RIMKLB: variants seen among roughly 807,000 people sequenced by gnomAD.
RIMKLB encodes the protein beta-citrylglutamate synthase B.
A neutral mutation model predicts 32.0 loss-of-function variants in RIMKLB; 7 were observed. The ratio of observed to expected loss-of-function variants is 0.22; its 90% CI spans 0.12 to 0.41. The LOEUF is 0.41. Among genes scored for constraint, RIMKLB ranks in the 10% least tolerant of loss-of-function variants. RIMKLB has a pLI of 1.00. For synonymous variants in RIMKLB, 172 were observed against 185.1 expected, an observed-to-expected ratio of 0.93 and a Z score of 0.57; for missense variants, 289 against 498.7, an observed-to-expected ratio of 0.58 and a Z score of 4.00.
At chr12:8,689,580 CCTCT>C (rs1305799873) in intron 1 of RIMKLB, among the ~76,000 whole-genome samples, 1 of 152,092 alleles carries the variant, frequency 6.6e-6, no homozygotes, top group African/African-American at 2.4e-5. Context: ...TTTCCATCTG[CCTCT>C]CTTTGTTATT....
intron 1 of RIMKLB, among the ~76,000 whole-genome samples, chr12:8,705,570 A>G (rs755504995): frequency 3.9e-5 from 6 of 152,326 alleles, no homozygotes; most frequent in Admixed American, 3.9e-4. Context: ...ATGGAAATAA[A>G]AATTGATGCC....
At chr12:8,742,417 A>C in intron 2 of RIMKLB, 1 of 290,446 alleles carries the variant, frequency 3.4e-6, no homozygotes, top group Non-Finnish European at 6.6e-6. Context: ...ACTTACAGGG[A>C]AGTTTTCATG....
intron 2 of RIMKLB, among the ~76,000 whole-genome samples, chr12:8,747,654 G>T (rs1948219919): frequency 6.6e-6 from 1 of 152,070 alleles, no homozygotes; most frequent in East Asian, 1.9e-4. Flanking sequence ...TATTAGTAAG[G>T]AATTGATCAT....
intron 1 of RIMKLB, among the ~76,000 whole-genome samples, chr12:8,710,346 C>T (rs1944274660): frequency 7.1e-6 from 1 of 140,284 alleles, no homozygotes; most frequent in Admixed American, 7.4e-5. Context: ...TTCGCTCTGT[C>T]ACCCAGGCTG....
At chr12:8,708,385 C>T (rs1388749304) in intron 1 of RIMKLB, among the ~76,000 whole-genome samples, 3 of 152,216 alleles carry the variant, frequency 2.0e-5, no homozygotes, top group East Asian at 1.9e-4. Flanking sequence ...TTCATTTTAA[C>T]TTTTTTTCTT....
intron 2 of RIMKLB, among the ~76,000 whole-genome samples, chr12:8,729,085 A>G (rs1324829663): frequency 6.6e-6 from 1 of 152,092 alleles, no homozygotes; most frequent in East Asian, 1.9e-4. Context: ...CACAGTGTGT[A>G]GGGGAGGGTA....
the RIMKLB span, among the ~76,000 whole-genome samples, chr12:8,670,966 C>A: frequency 6.6e-6 from 1 of 152,246 alleles, no homozygotes. Context: ...TCCGAAGCCA[C>A]AGCCCAAGCT....
At chr12:8,710,754 A>G (rs1246425595) in intron 1 of RIMKLB, among the ~76,000 whole-genome samples, 6 of 152,094 alleles carry the variant, frequency 3.9e-5, no homozygotes, top group Admixed American at 1.3e-4. Flanking sequence ...CCCAATTGCT[A>G]GTGACTATAA....
downstream of RIMKLB, chr12:8,777,215 CTTTTTTTTTTTTTT>C (rs35828763): frequency 1.5e-4 from 107 of 703,906 alleles, no homozygotes; most frequent in South Asian, 5.6e-4. Flanking sequence ...TGCTTGCTTT[CTTTTTTTTTTTTTT>C]TTTTTTTTTT....
At chr12:8,753,110 C>T (rs1049345743) in intron 4 of RIMKLB, among the ~76,000 whole-genome samples, 4 of 152,074 alleles carry the variant, frequency 2.6e-5, no homozygotes, top group Non-Finnish European at 4.4e-5. Flanking sequence ...TTTTGTGTTT[C>T]GGCAGGGATG....
intron 4 of RIMKLB, among the ~76,000 whole-genome samples, chr12:8,753,661 T>A (rs761732753): frequency 3.9e-5 from 6 of 152,304 alleles, no homozygotes; most frequent in African/African-American, 1.4e-4. Flanking sequence ...CAAAATAAAT[T>A]TTAGTTTGTC....
At chr12:8,770,152 G>A (rs111384332) in intron 5 of RIMKLB, among the ~76,000 whole-genome samples, 4,105 of 152,118 alleles carry the variant, frequency 0.027, 183 homozygotes, top group African/African-American at 0.093. Flanking sequence ...TAGTAGAGAC[G>A]GGGTTTCACC....
At position 8,718,661 on chromosome 12, in the gene RIMKLB, A is replaced by ATG. The variant is rs1287877829; in HGVS notation, c.175+4621_175+4622insGT. Among the ~76,000 whole-genome samples, 21 of 118,500 alleles carry ATG rather than the reference A, an allele frequency of 1.8e-4. No homozygotes were observed. In the East Asian group the frequency reaches 3.2e-3, roughly 18 times the overall value. The allele number at this position is 118,500 out of a possible 152,430, so 77.7% of individuals were successfully genotyped here. A position where few individuals can be genotyped will look rare whatever the true frequency, so the allele number is the denominator to read the frequency against. The stretch of plus-strand genomic sequence containing the variant: ...CGTCTCTCTCTCTCTCTCTATATAT[A>ATG]TATATATATGTGTGTGTGTGTGTGT... On this transcript the variant is annotated intron_variant, in intron 2 of 5. Transcript: ENST00000535829.
intron 1 of RIMKLB, among the ~76,000 whole-genome samples, chr12:8,684,125 C>T (rs768935425): frequency 6.6e-6 from 1 of 151,980 alleles, no homozygotes; most frequent in Admixed American, 6.6e-5. Context: ...AGGATTATGC[C>T]TTTGGTGTCG....
intron 1 of RIMKLB, among the ~76,000 whole-genome samples, chr12:8,688,022 A>G (rs1024494042): frequency 1.1e-4 from 16 of 152,136 alleles, no homozygotes; most frequent in African/African-American, 3.9e-4. Flanking sequence ...AGCTTATGAA[A>G]GGGGTGGAGA....
chr12:8,776,984 C>T lies in RIMKLB; in HGVS notation c.*3200C>T. ...TTGTGAAATCAAATCTTGTGTTATA[C>T]TTTTCTCCTGGCTCACTTTTTTTGA... On this transcript the variant is annotated 3_prime_UTR_variant, in exon 6 of 6. Transcript: ENST00000535829. The T allele has an allele frequency of 1.2e-5, 12 of 985,796 alleles. No homozygotes were observed. In the South Asian group the frequency reaches 5.2e-4, roughly 42 times the overall value. 61.1% of individuals were successfully genotyped at this position (985,796 alleles called of 1,614,324 possible).
upstream of RIMKLB, among the ~76,000 whole-genome samples, chr12:8,677,224 G>C (rs1942348390): frequency 6.6e-6 from 1 of 152,148 alleles, no homozygotes; most frequent in South Asian, 2.1e-4. Context: ...AACATGTCTG[G>C]GACAGAATTG....
chr12:8,764,570 G>A lies in RIMKLB; in HGVS notation c.698-8751G>A, dbSNP rs144858160. On this transcript the variant is annotated intron_variant, in intron 5 of 5. Transcript: ENST00000535829. ...CGGGACAGGAGAGTAAGACTGAGAA[G>A]GCTGCGCCAGTGTCCAGGAGACAGT... 1.2e-3 allele frequency among the ~76,000 whole-genome samples: 184 copies of A among 152,230 alleles called. 1 individual carries two copies. The highest frequency in any genetic ancestry group is 4.3e-3 in the African/African-American group (178 of 41,530).
At chr12:8,696,067 A>G (rs1407780319), upstream of RIMKLB, among the ~76,000 whole-genome samples, 2 of 152,212 alleles carry the variant, frequency 1.3e-5, no homozygotes, top group Non-Finnish European at 1.5e-5. Context: ...TCACCAGTAC[A>G]ACCCACTTTT....
Sources: gnomAD v4.1 joint callset for allele counts (sites outside exome capture counted in the v4.1 genomes callset) on GRCh38, gnomAD v4.1.1 for gene constraint, MANE v1.5 for transcripts, NCBI Gene and HGNC (gene_info 2026-07-23, HGNC 2026-07-21) for gene names.